COG5: variants seen among roughly 807,000 people sequenced by gnomAD.
The protein encoded by COG5 is conserved oligomeric Golgi complex subunit 5.
COG5 carries 86 observed loss-of-function variants against 110.4 expected under a neutral mutation model. The observed-to-expected ratio is 0.78, with a 90% confidence interval of 0.65 to 0.93. COG5 has a LOEUF of 0.93. Ranked by LOEUF, COG5 falls within the 40% of genes least tolerant of loss-of-function variation. The pLI is 0.00. For missense variants in COG5, 1,077 were observed against 987.0 expected (o/e 1.09, Z -1.22); for synonymous variants, 360 against 334.6 (o/e 1.08, Z -0.83).
At chr7:107,203,950 A>G (rs1259164700) in intron 21 of COG5, among the ~76,000 whole-genome samples, 2 of 152,192 alleles carry the variant, frequency 1.3e-5, no homozygotes, top group African/African-American at 4.8e-5. Context: ...TACTGAAGAC[A>G]CCGGCAACGG....
intron 6 of COG5, among the ~76,000 whole-genome samples, chr7:107,493,241 T>G (rs1049378833): frequency 6.6e-6 from 1 of 152,196 alleles, no homozygotes; most frequent in Non-Finnish European, 1.5e-5. Flanking sequence ...TGGACTTTCT[T>G]GCCTCCAGAA....
intron 6 of COG5, among the ~76,000 whole-genome samples, chr7:107,433,173 G>C (rs1794141669): frequency 6.6e-6 from 1 of 152,106 alleles, no homozygotes; most frequent in Non-Finnish European, 1.5e-5. Flanking sequence ...ACAAAGTATG[G>C]CTGAAAGAAA....
chr7:107,551,410 A>C (rs1802881976), intron 3 of COG5, among the ~76,000 whole-genome samples: 1 of 152,222 alleles, frequency 6.6e-6, no homozygotes, highest in African/African-American at 2.4e-5. Flanking sequence ...ATTTTTAAAT[A>C]AAATAGGCTT....
intron 6 of COG5, among the ~76,000 whole-genome samples, chr7:107,520,289 T>C (rs955574992): frequency 2.0e-5 from 3 of 152,170 alleles, no homozygotes; most frequent in South Asian, 4.1e-4. Context: ...TTGGAAGTTC[T>C]GGCCAGGGCA....
At position 107,458,532 on chromosome 7, in the gene COG5, T is replaced by G. The variant is rs367589480; in HGVS notation, c.539-45900A>C. Among the ~76,000 whole-genome samples, 21 of 152,234 alleles carry G rather than the reference T, an allele frequency of 1.4e-4. No individual in the cohort carries two copies. In the East Asian group the frequency reaches 2.5e-3, roughly 18 times the overall value. On this transcript the variant is annotated intron_variant, in intron 6 of 21. Transcript: ENST00000297135. ...AGTTAAGCATGTATATCAAAAAACC[T>G]AAAACAACCATTAAAACAAGAAAAC...
chr7:107,370,387 T>C (rs1814030625), intron 8 of COG5, among the ~76,000 whole-genome samples: 1 of 152,214 alleles, frequency 6.6e-6, no homozygotes, highest in Non-Finnish European at 1.5e-5. Context: ...CATTCTTGAA[T>C]ATTTTAATGT....
chr7:107,469,477 T>TTGAA lies in COG5; in HGVS notation c.539-56849_539-56846dup, dbSNP rs762202638. Among the ~76,000 whole-genome samples, 4 of 152,190 alleles carry TTGAA rather than the reference T, an allele frequency of 2.6e-5. 1 individual carries two copies. In the South Asian group the frequency reaches 6.2e-4, roughly 24 times the overall value. ...ACCTTAGGTCAATCTGATTATTATT[T>TTGAA]TGAATGAATGAATGAATGAAATGAA... On this transcript the variant is annotated intron_variant, in intron 6 of 21. Transcript: ENST00000297135.
rs1036459118 is a variant in COG5, at chr7:107,202,817, G to A, written c.*699C>T. On this transcript the variant is annotated 3_prime_UTR_variant, in exon 22 of 22. Transcript: ENST00000297135. ...TGTTACACGGTTAAACAGCCCAAAGGTCTGCTTTTAATAACATGACAAAGT... is the reference window on the plus strand; with the variant it reads ...TGTTACACGGTTAAACAGCCCAAAGATCTGCTTTTAATAACATGACAAAGT... 1 of 152,020 alleles carries A rather than the reference G, an allele frequency of 6.6e-6. No individual in the cohort carries two copies. Among genetic ancestry groups the A allele is most frequent in the African/African-American group, 2.4e-5 (1 of 41,354 alleles). The allele number at this position is 152,020 out of a possible 1,614,324, so 9.4% of individuals were successfully genotyped here.
chr7:107,408,360 T>C (rs187869354), intron 7 of COG5, among the ~76,000 whole-genome samples: 3 of 152,336 alleles, frequency 2.0e-5, no homozygotes, highest in Non-Finnish European at 2.9e-5. Context: ...TCCAGTTGAA[T>C]AGTGGTGCTC....
At chr7:107,375,160 A>AT (rs980625009) in intron 7 of COG5, among the ~76,000 whole-genome samples, 28 of 151,894 alleles carry the variant, frequency 1.8e-4, no homozygotes, top group Non-Finnish European at 2.9e-4. Flanking sequence ...TACTCAACAT[A>AT]TTTTTTTGTG....
intron 12 of COG5, among the ~76,000 whole-genome samples, 199 bp from the exon 13 acceptor site, chr7:107,283,931 C>CTTTTTTTTTTTTTTTTTTT (rs71522833): frequency 1.6e-4 from 23 of 142,628 alleles, no homozygotes; most frequent in Non-Finnish European, 2.3e-4. Context: ...CCATAGTAAC[C>CTTTTTTTTTTTTTTTTTTT]TTTTTTTTTT....
intron 19 of COG5, among the ~76,000 whole-genome samples, chr7:107,221,624 G>A (rs1799931734): frequency 6.6e-6 from 1 of 151,948 alleles, no homozygotes; most frequent in African/African-American, 2.4e-5. Flanking sequence ...AATTAGCCGG[G>A]CATGGTAGCG....
intron 11 of COG5, among the ~76,000 whole-genome samples, chr7:107,321,004 A>G (rs1312075896): frequency 6.6e-6 from 1 of 152,176 alleles, no homozygotes; most frequent in Non-Finnish European, 1.5e-5. Context: ...TTTAGACATC[A>G]GGGTTTCAAA....
intron 21 of COG5, among the ~76,000 whole-genome samples, chr7:107,206,999 C>A (rs1224432681): frequency 6.8e-6 from 1 of 146,188 alleles, no homozygotes; most frequent in African/African-American, 2.5e-5. Context: ...AAAAAAAACA[C>A]GATTAGTAGA....
chr7:107,496,528 T>C (rs2520243), intron 6 of COG5, among the ~76,000 whole-genome samples: 41,187 of 151,626 alleles, frequency 0.27, 5,678 homozygotes, highest in East Asian at 0.33. Flanking sequence ...GGTTTGATGG[T>C]ATGCGCCTAT....
At chr7:107,420,390 G>T (rs1793197127) in intron 6 of COG5, among the ~76,000 whole-genome samples, 1 of 152,196 alleles carries the variant, frequency 6.6e-6, no homozygotes, top group Non-Finnish European at 1.5e-5. Context: ...ATAGGGAGAA[G>T]AAGCACCCGG....
intron 19 of COG5, among the ~76,000 whole-genome samples, chr7:107,230,198 A>T (rs562050627): frequency 1.3e-5 from 2 of 152,118 alleles, no homozygotes; most frequent in African/African-American, 2.4e-5. Flanking sequence ...TATCATATCC[A>T]TATCTTGGAA....
intron 19 of COG5, among the ~76,000 whole-genome samples, chr7:107,226,487 A>C (rs552716964): frequency 1.4e-3 from 212 of 152,364 alleles, no homozygotes; most frequent in Non-Finnish European, 2.4e-3. Context: ...ATTAGAATAA[A>C]GATGGCTCTG....
At chr7:107,442,487 T>C (rs1299805803) in intron 6 of COG5, among the ~76,000 whole-genome samples, 6 of 126,506 alleles carry the variant, frequency 4.7e-5, no homozygotes, top group African/African-American at 1.6e-4. Context: ...CACAGGTTTT[T>C]TGTTGTTTTT....
Sources: gnomAD v4.1 joint callset for allele counts (sites outside exome capture counted in the v4.1 genomes callset) on GRCh38, gnomAD v4.1.1 for gene constraint, MANE v1.5 for transcripts, NCBI Gene and HGNC (gene_info 2026-07-23, HGNC 2026-07-21) for gene names.